The following RANBP17 variants were observed in gnomAD, a reference collection of about 807,000 sequenced individuals.
RANBP17 encodes RAN binding protein 17.
RANBP17 carries 158 observed loss-of-function variants against 141.2 expected under a neutral mutation model. The observed-to-expected ratio is 1.12, with a 90% CI of 0.98 to 1.28. The LOEUF (loss-of-function observed/expected upper bound fraction) is 1.28. Ranked by LOEUF, RANBP17 falls within the 50% of genes most tolerant of loss-of-function variation. The pLI, the probability that RANBP17 is intolerant of heterozygous loss-of-function variation, is 0.00. For synonymous variants in RANBP17, 430 were observed against 450.0 expected, an observed-to-expected ratio of 0.96 and a Z score of 0.56; for missense variants, 1,438 against 1,290.7, an observed-to-expected ratio of 1.11 and a Z score of -1.75.
intron 11 of RANBP17, among the ~76,000 whole-genome samples, chr5:170,920,150 T>G (rs533306233): frequency 1.5e-4 from 23 of 152,158 alleles, no homozygotes; most frequent in Admixed American, 9.8e-4. Context: ...CAAACATAAG[T>G]TTTTGTTTCT....
chr5:171,220,037 A>G (rs1020232189), intron 21 of RANBP17, among the ~76,000 whole-genome samples: 1 of 151,992 alleles, frequency 6.6e-6, no homozygotes, highest in Admixed American at 6.6e-5. Flanking sequence ...GTATTTATCT[A>G]CCTTCAATCT....
At chr5:171,099,042 A>G (rs1786921355) in intron 14 of RANBP17, among the ~76,000 whole-genome samples, 1 of 152,206 alleles carries the variant, frequency 6.6e-6, no homozygotes, top group Non-Finnish European at 1.5e-5. Flanking sequence ...GAAGTCAGGT[A>G]GCATGATGCC....
chr5:171,127,294 C>G (rs1403222263), intron 14 of RANBP17, among the ~76,000 whole-genome samples: 1 of 152,106 alleles, frequency 6.6e-6, no homozygotes. Context: ...TAAAAATTCT[C>G]AATAAATTTG....
At chr5:170,956,575 C>T (rs563894453) in intron 13 of RANBP17, among the ~76,000 whole-genome samples, 6 of 151,784 alleles carry the variant, frequency 4.0e-5, no homozygotes, top group East Asian at 3.9e-4. Flanking sequence ...CTCAATCTCT[C>T]GAGTAGCTGG....
intron 13 of RANBP17, among the ~76,000 whole-genome samples, chr5:170,955,582 G>GTGTATATA (rs1387663704): frequency 2.4e-5 from 1 of 41,676 alleles, no homozygotes; most frequent in African/African-American, 9.6e-5. Context: ...CAGTCTGTGT[G>GTGTATATA]TATATATATA....
At chr5:171,051,864 TTA>T (rs1782973555) in intron 14 of RANBP17, among the ~76,000 whole-genome samples, 1 of 152,198 alleles carries the variant, frequency 6.6e-6, no homozygotes, top group African/African-American at 2.4e-5. Context: ...GTAAAAGAGT[TTA>T]TCTTTCTCCA....
chr5:170,901,601 GT>G (rs1449029685), intron 5 of RANBP17, among the ~76,000 whole-genome samples: 2 of 152,210 alleles, frequency 1.3e-5, no homozygotes, highest in African/African-American at 2.4e-5. Context: ...AGTTGATGCA[GT>G]TTCTTCATAG....
At chr5:170,897,362 T>C (rs79152791) in intron 5 of RANBP17, 16,434 of 492,884 alleles carry the variant, frequency 0.033, 359 homozygotes, top group East Asian at 0.11. Flanking sequence ...TCTTCTTCTT[T>C]TTTTTTTTTA....
rs1782105913 is a variant in RANBP17, at chr5:171,039,409, T to A, written c.1710+71032T>A. On this transcript the variant is annotated intron_variant, in intron 14 of 27. Coordinates refer to ENST00000523189, the MANE Select transcript of RANBP17 (RefSeq NM_022897.5). ...AAAGTGTCTGTTCATGTCTTTTGTC[T>A]ATTTTTTTTAATGAGATGTATTTGT... Among the ~76,000 whole-genome samples, 3 of 152,030 alleles carry A rather than the reference T, an allele frequency of 2.0e-5. No homozygotes were observed. The South Asian group carries it at 6.2e-4, about 31-fold the overall frequency.
At chr5:171,068,759 G>C (rs1469527538) in intron 14 of RANBP17, among the ~76,000 whole-genome samples, 1 of 151,816 alleles carries the variant, frequency 6.6e-6, no homozygotes, top group Non-Finnish European at 1.5e-5. Flanking sequence ...GCTAATTTTT[G>C]TTTGTATTTT....
chr5:171,238,906 AACATCTTG>A (rs2127994690), intron 22 of RANBP17, among the ~76,000 whole-genome samples: 1 of 152,308 alleles, frequency 6.6e-6, no homozygotes, highest in East Asian at 1.9e-4. Flanking sequence ...CTGTTCACAT[AACATCTTG>A]ACATACCTCT....
chr5:171,073,166 T>TA (rs2127696342), intron 14 of RANBP17, among the ~76,000 whole-genome samples: 1 of 152,086 alleles, frequency 6.6e-6, no homozygotes, highest in South Asian at 2.1e-4. Flanking sequence ...TGGTGTAAAT[T>TA]AAAAAATCAA....
intron 24 of RANBP17, among the ~76,000 whole-genome samples, chr5:171,261,618 G>A (rs1444346895): frequency 6.6e-6 from 1 of 152,214 alleles, no homozygotes; most frequent in Admixed American, 6.5e-5. Flanking sequence ...ACTGGTTCCA[G>A]AAGAGAAGCA....
intron 14 of RANBP17, among the ~76,000 whole-genome samples, chr5:171,082,487 T>C (rs1785317519): frequency 6.6e-6 from 1 of 152,174 alleles, no homozygotes. Context: ...AATCAATGTA[T>C]GCATCTCAGA....
chr5:170,997,150 C>T (rs1457694173), intron 14 of RANBP17, among the ~76,000 whole-genome samples: 1 of 152,112 alleles, frequency 6.6e-6, no homozygotes, highest in African/African-American at 2.4e-5. Flanking sequence ...TCCCTCCTGC[C>T]GCCTTGTGAA....
chr5:171,104,195 G>A (rs1215086419), intron 14 of RANBP17, among the ~76,000 whole-genome samples: 1 of 152,070 alleles, frequency 6.6e-6, no homozygotes, highest in Non-Finnish European at 1.5e-5. Flanking sequence ...GCACCACCAG[G>A]CCCGGCTAAT....
intron 14 of RANBP17, among the ~76,000 whole-genome samples, chr5:171,045,390 T>C (rs1782516348): frequency 6.6e-6 from 1 of 152,104 alleles, no homozygotes; most frequent in Admixed American, 6.6e-5. Flanking sequence ...AAATATGATA[T>C]AGCATAAGAG....
chr5:171,217,400 G>A (rs987877108), intron 21 of RANBP17, among the ~76,000 whole-genome samples: 7 of 152,132 alleles, frequency 4.6e-5, no homozygotes, highest in African/African-American at 9.7e-5. Flanking sequence ...GCCAGGTTTT[G>A]GTATCAGGAT....
intron 14 of RANBP17, among the ~76,000 whole-genome samples, chr5:171,117,427 A>G (rs1755713314): frequency 6.6e-6 from 1 of 152,082 alleles, no homozygotes; most frequent in Admixed American, 6.6e-5. Flanking sequence ...TAGTGATTAA[A>G]TATGTTTGTT....
Sources: gnomAD v4.1 joint callset for allele counts (sites outside exome capture counted in the v4.1 genomes callset) on GRCh38, gnomAD v4.1.1 for gene constraint, MANE v1.5 for transcripts, NCBI Gene and HGNC (gene_info 2026-07-23, HGNC 2026-07-21) for gene names.